The following MAGI2 variants were observed in gnomAD, a reference collection of about 807,000 sequenced individuals.
The protein encoded by MAGI2 is membrane associated guanylate kinase, WW and PDZ domain containing 2.
A neutral mutation model predicts 133.3 loss-of-function variants in MAGI2; 35 were observed. The ratio of observed to expected loss-of-function variants is 0.26; its 90% CI spans 0.20 to 0.35. The LOEUF is 0.35. Ranked by LOEUF, MAGI2 falls within the 10% of genes least tolerant of loss-of-function variation. MAGI2 has a pLI of 1.00. For synonymous variants in MAGI2, 729 were observed against 710.6 expected (o/e 1.03, Z -0.41); for missense variants, 1,636 against 1,863.4 (o/e 0.88, Z 2.25).
At chr7:78,052,671 A>G (rs1476058618) in intron 21 of MAGI2, among the ~76,000 whole-genome samples, 1 of 152,220 alleles carries the variant, frequency 6.6e-6, no homozygotes, top group East Asian at 1.9e-4. Context: ...ACTGGGGAAA[A>G]AAATACTTTA....
At chr7:78,876,856 TC>T (rs1795463004) in intron 2 of MAGI2, among the ~76,000 whole-genome samples, 1 of 152,226 alleles carries the variant, frequency 6.6e-6, no homozygotes, top group Non-Finnish European at 1.5e-5. Flanking sequence ...TATTTGGAAA[TC>T]TTTTGTACAT....
intron 10 of MAGI2, among the ~76,000 whole-genome samples, chr7:78,228,856 C>T (rs1789674700): frequency 6.6e-6 from 1 of 152,144 alleles, no homozygotes; most frequent in African/African-American, 2.4e-5. Context: ...ATGGTGAATT[C>T]CAGAGTAATT....
chr7:78,403,844 G>A (rs151230187), intron 6 of MAGI2, among the ~76,000 whole-genome samples: 1,953 of 152,216 alleles, frequency 0.013, 45 homozygotes, highest in African/African-American at 0.045. Flanking sequence ...GAAATGAAGG[G>A]TATTTAATTA....
intron 6 of MAGI2, chr7:78,487,494 T>A (rs1793156900): frequency 6.6e-6 from 1 of 152,172 alleles, no homozygotes; most frequent in Admixed American, 6.6e-5. Context: ...TATATTGACA[T>A]ATGGTGCTTT....
At chr7:78,871,057 T>C (rs1162634324) in intron 2 of MAGI2, among the ~76,000 whole-genome samples, 1 of 152,140 alleles carries the variant, frequency 6.6e-6, no homozygotes, top group Non-Finnish European at 1.5e-5. Flanking sequence ...ATGCCTGTAA[T>C]CCCAGCACTT....
chr7:78,451,555 T>C (rs1291480513), intron 6 of MAGI2, among the ~76,000 whole-genome samples: 1 of 152,104 alleles, frequency 6.6e-6, no homozygotes, highest in Non-Finnish European at 1.5e-5. Context: ...TGGATTTGAA[T>C]CCTGACATTG....
chr7:78,384,711 T>A (rs1296553929), intron 6 of MAGI2, among the ~76,000 whole-genome samples: 3 of 147,998 alleles, frequency 2.0e-5, no homozygotes, highest in Non-Finnish European at 4.5e-5. Context: ...AACATCAATA[T>A]AGTAAGGATT....
At chr7:78,700,940 G>A (rs12669245) in intron 2 of MAGI2, among the ~76,000 whole-genome samples, 12,636 of 142,360 alleles carry the variant, frequency 0.089, 582 homozygotes, top group African/African-American at 0.13. Flanking sequence ...AGTATAGTAA[G>A]TGTGTTACAT....
chr7:78,022,364 T>C (rs536949078), intron 21 of MAGI2, among the ~76,000 whole-genome samples: 8 of 152,212 alleles, frequency 5.3e-5, no homozygotes, highest in Non-Finnish European at 1.0e-4. Context: ...TTACATCACA[T>C]ATGGTAGAGT....
chr7:79,207,546 T>C (rs1203952903), intron 1 of MAGI2, among the ~76,000 whole-genome samples: 1 of 151,840 alleles, frequency 6.6e-6, no homozygotes, highest in Non-Finnish European at 1.5e-5. Flanking sequence ...AAAATATTGC[T>C]GAAAGAAATT....
intron 2 of MAGI2, among the ~76,000 whole-genome samples, chr7:78,855,485 A>G (rs1793554556): frequency 6.6e-6 from 1 of 152,106 alleles, no homozygotes; most frequent in African/African-American, 2.4e-5. Context: ...ATTCCCACTT[A>G]TGAGTGAGAA....
chr7:78,674,706 A>G (rs891663459), intron 2 of MAGI2, among the ~76,000 whole-genome samples: 2 of 152,174 alleles, frequency 1.3e-5, no homozygotes, highest in African/African-American at 4.8e-5. Context: ...ATACAAATTA[A>G]CCAAATCAGG....
At chr7:78,450,799 T>C (rs1026701937) in intron 6 of MAGI2, among the ~76,000 whole-genome samples, 1 of 152,050 alleles carries the variant, frequency 6.6e-6, no homozygotes, top group African/African-American at 2.4e-5. Flanking sequence ...CAACTCTTCA[T>C]CTAGTTTGTT....
At chr7:78,485,541 T>C (rs1792903075) in intron 6 of MAGI2, 1 of 152,066 alleles carries the variant, frequency 6.6e-6, no homozygotes, top group Admixed American at 6.6e-5. Flanking sequence ...TTCTCCTTAA[T>C]ACCAATGAGA....
chr7:78,395,298 A>G (rs993657691), intron 6 of MAGI2, among the ~76,000 whole-genome samples: 3 of 152,206 alleles, frequency 2.0e-5, no homozygotes, highest in Non-Finnish European at 2.9e-5. Flanking sequence ...ATATCCTAAA[A>G]TTTTAAAGTC....
intron 20 of MAGI2, among the ~76,000 whole-genome samples, chr7:78,123,724 T>C (rs1820694302): frequency 1.3e-5 from 2 of 152,206 alleles, no homozygotes; most frequent in African/African-American, 4.8e-5. Flanking sequence ...TTTTATGTAA[T>C]ATTTTTGGAT....
At chr7:78,185,693 A>G (rs1268033662) in intron 12 of MAGI2, 23 bp from the exon 13 acceptor site, 1 of 1,547,538 alleles carries the variant, frequency 6.5e-7, no homozygotes, top group South Asian at 1.2e-5. Context: ...ATGGGGAATT[A>G]AAGTTGAAAT....
At chr7:79,164,520 G>A (rs1001075348) in intron 1 of MAGI2, among the ~76,000 whole-genome samples, 3 of 151,898 alleles carry the variant, frequency 2.0e-5, no homozygotes, top group African/African-American at 7.3e-5. Flanking sequence ...AAAAAGGGCT[G>A]GAGAGGAAAT....
intron 3 of MAGI2, among the ~76,000 whole-genome samples, chr7:78,546,833 A>G (rs1798888575): frequency 6.6e-6 from 1 of 152,238 alleles, no homozygotes; most frequent in South Asian, 2.1e-4. Flanking sequence ...AGGGATAATA[A>G]CAGTGCCTAC....
Sources: gnomAD v4.1 joint callset for allele counts (sites outside exome capture counted in the v4.1 genomes callset) on GRCh38, gnomAD v4.1.1 for gene constraint, MANE v1.5 for transcripts, NCBI Gene and HGNC (gene_info 2026-07-23, HGNC 2026-07-21) for gene names.